Variants in CAPN2 observed in about 807,000 individuals in gnomAD.
CAPN2 encodes the protein calpain 2, also known as calpain-2 catalytic subunit.
A neutral mutation model predicts 102.3 loss-of-function variants in CAPN2; 92 were observed. That is an observed-to-expected ratio of 0.90 (90% CI 0.76 to 1.07). The LOEUF is 1.07. Among genes scored for constraint, CAPN2 ranks in the 50% least tolerant of loss-of-function variants. CAPN2 has a pLI of 0.00. For missense variants in CAPN2, 800 were observed against 909.4 expected, an observed-to-expected ratio of 0.88 and a Z score of 1.55; for synonymous variants, 340 against 355.4, an observed-to-expected ratio of 0.96 and a Z score of 0.49.
chr1:223,765,677 T>G lies in CAPN2; in HGVS notation c.1691-690T>G, dbSNP rs1661294587. ...GGAGGGCTCCACACCAGAGTCTGCA[T>G]GCACAGCTGCTGGGCCAGAGCCTTA... is the stretch of plus-strand genomic sequence containing the variant. On this transcript the variant is annotated intron_variant, in intron 15 of 20. Coordinates refer to ENST00000295006, the MANE Select transcript of CAPN2 (RefSeq NM_001748.5). 2.7e-5 allele frequency among the ~76,000 whole-genome samples: 4 copies of G among 150,772 alleles called. No homozygotes were observed. The Admixed American group carries it at 2.7e-4, about 10-fold the overall frequency.
intron 2 of CAPN2, among the ~76,000 whole-genome samples, chr1:223,736,547 C>T (rs908365526): frequency 1.3e-5 from 2 of 152,196 alleles, no homozygotes; most frequent in African/African-American, 4.8e-5. Flanking sequence ...CAAGTTTGGC[C>T]TTGAAACCCT....
chr1:223,712,937 C>G (rs931587500), intron 1 of CAPN2, 60 bp downstream of exon 1: 3 of 1,221,568 alleles, frequency 2.5e-6, no homozygotes, highest in African/African-American at 3.2e-5. Flanking sequence ...GGGGTGCAGG[C>G]CGGCCCGCGG....
chr1:223,745,585 AC>A (rs1660734536), intron 4 of CAPN2, 146 bp downstream of exon 4: 1 of 765,066 alleles, frequency 1.3e-6, no homozygotes, highest in African/African-American at 1.7e-5. Flanking sequence ...AGCCTGGCCA[AC>A]ATGATGAAAC....
In CAPN2 at chr1:223,767,634, A is replaced by G. The variant is rs369893074; in HGVS notation, c.1755+1203A>G. On this transcript the variant is annotated intron_variant, in intron 16 of 20. Coordinates refer to ENST00000295006, the MANE Select transcript of CAPN2 (RefSeq NM_001748.5). ...TTCCAAGTCTTTGCTATTGTGAATA[A>G]TGCCGCAATAAACATACGTGTGCAT... Among the ~76,000 whole-genome samples, 11 of 149,544 alleles carry G rather than the reference A, an allele frequency of 7.4e-5. No individual in the cohort carries two copies. In the East Asian group the frequency reaches 9.8e-4, roughly 13 times the overall value.
In CAPN2 at chr1:223,774,917, T is replaced by G; in HGVS notation, c.*60T>G. 1 of 1,427,098 alleles carries G rather than the reference T, an allele frequency of 7.0e-7. No homozygotes were observed. Among genetic ancestry groups the G allele is most frequent in the Non-Finnish European group, 9.8e-7 (1 of 1,015,232 alleles). 88.4% of individuals were successfully genotyped at this position (1,427,098 alleles called of 1,614,324 possible). A position where few individuals can be genotyped will look rare whatever the true frequency, so the allele number is the denominator to read the frequency against. ...TGGAAAATCAGCCAAGGACTAAGCT[T>G]CCATAGAAATACACTTTGTATCTGG... On this transcript the variant is annotated 3_prime_UTR_variant, in exon 21 of 21. Transcript: ENST00000295006.
rs1042340497 is a variant in CAPN2 at position 223,727,417 on chromosome 1, G to A, written c.307+9586G>A. On this transcript the variant is annotated intron_variant, in intron 2 of 20. Coordinates refer to ENST00000295006, the MANE Select transcript of CAPN2 (RefSeq NM_001748.5). The surrounding 1 kb of genome is among the most constrained non-coding windows in gnomAD (Gnocchi z 4.1). ...CGTGTGCCACTCAAAAATGTCTGCA[G>A]ACCTTGCCAAATGTCCCCTGGGGGC... 6.6e-6 allele frequency among the ~76,000 whole-genome samples: 1 copy of A among 152,164 alleles called. No individual in the cohort carries two copies. Among genetic ancestry groups the A allele is most frequent in the Admixed American group, 6.5e-5 (1 of 15,270 alleles).
intron 13 of CAPN2, 158 bp downstream of exon 13, chr1:223,761,775 C>CACAGAGGCCAGAGCTGA: frequency 1.6e-6 from 1 of 626,326 alleles, no homozygotes; most frequent in Non-Finnish European, 2.8e-6. Context: ...CCTGCATCAG[C>CACAGAGGCCAGAGCTGA]TCTGGCCTCT....
chr1:223,746,757 G>A (rs1357609749), intron 4 of CAPN2, among the ~76,000 whole-genome samples: 1 of 152,126 alleles, frequency 6.6e-6, no homozygotes, highest in Non-Finnish European at 1.5e-5. Context: ...TGGGATTACA[G>A]GCATGAGCTA....
chr1:223,746,496 T>A (rs74532858), intron 4 of CAPN2, among the ~76,000 whole-genome samples: 8 of 149,086 alleles, frequency 5.4e-5, no homozygotes, highest in African/African-American at 7.5e-5. Flanking sequence ...TTTTTTTTTT[T>A]AATACGGAGC....
At chr1:223,703,467 C>G (rs1659531069) in intron 1 of CAPN2, among the ~76,000 whole-genome samples, 1 of 152,170 alleles carries the variant, frequency 6.6e-6, no homozygotes, top group Non-Finnish European at 1.5e-5. Flanking sequence ...CCAGGCTGCT[C>G]CAGCCAATGA....
chr1:223,760,962 GAGC>G (rs1170273270), intron 12 of CAPN2, among the ~76,000 whole-genome samples: 2 of 152,296 alleles, frequency 1.3e-5, no homozygotes, highest in East Asian at 3.9e-4. Context: ...CCTCACTATG[GAGC>G]AGAAGGACCT....
At position 223,725,899 on chromosome 1, in the gene CAPN2, G is replaced by A. The variant is rs1024599930; in HGVS notation, c.307+8068G>A. 2.6e-5 allele frequency among the ~76,000 whole-genome samples: 4 copies of A among 152,160 alleles called. No individual in the cohort carries two copies. The highest frequency in any genetic ancestry group is 5.9e-5 in the Non-Finnish European group (4 of 68,030). ...TCTGCGAAATGGGAACAATGACGAT[G>A]TTTGCGTCCTTTCTTTTTCTTTTCC... On this transcript the variant is annotated intron_variant, in intron 2 of 20. Transcript: ENST00000295006. This position sits in a 1 kb window ranked among gnomAD's most constrained non-coding sequence, Gnocchi z 4.1.
chr1:223,712,290 G>A (rs1286029969), upstream of CAPN2: 11 of 216,434 alleles, frequency 5.1e-5, no homozygotes, highest in South Asian at 1.5e-3. Context: ...AGGTGGCCTC[G>A]GGTTCCGGTG....
chr1:223,769,790 C>T (rs1208116350), intron 16 of CAPN2, 51 bp from the exon 17 acceptor site: 22 of 1,358,006 alleles, frequency 1.6e-5, no homozygotes, highest in Admixed American at 7.4e-5. Context: ...AACTAGGTGA[C>T]ACTATGTGCA....
intron 9 of CAPN2, 74 bp downstream of exon 9, chr1:223,753,030 G>A: frequency 1.4e-6 from 2 of 1,419,062 alleles, no homozygotes; most frequent in Non-Finnish European, 2.0e-6. Flanking sequence ...ACCCCACCCT[G>A]TGTACCACAC....
intron 1 of CAPN2, 36 bp from the exon 2 acceptor site, chr1:223,717,726 G>T (rs750969391): frequency 1.3e-6 from 2 of 1,582,114 alleles, no homozygotes; most frequent in East Asian, 4.5e-5. Flanking sequence ...GCACCTGGCT[G>T]GTAGGCTAAC....
chr1:223,739,522 C>CTTG (rs1361980704), intron 2 of CAPN2, among the ~76,000 whole-genome samples: 9 of 152,168 alleles, frequency 5.9e-5, no homozygotes, highest in African/African-American at 2.2e-4. Flanking sequence ...AGGCTAAGAG[C>CTTG]TTGTAACAAC....
chr1:223,712,933 C>T, intron 1 of CAPN2, 56 bp downstream of exon 1: 2 of 1,233,560 alleles, frequency 1.6e-6, no homozygotes, highest in Admixed American at 4.2e-5. Context: ...GGGCGGGGTG[C>T]AGGCCGGCCC....
At position 223,705,542 on chromosome 1, in the gene CAPN2, C is replaced by T. The variant is rs1056349189; in HGVS notation, c.3+3711C>T. 7.2e-5 allele frequency among the ~76,000 whole-genome samples: 11 copies of T among 152,230 alleles called. No individual in the cohort carries two copies. The East Asian group carries it at 1.9e-3, about 27-fold the overall frequency. On this transcript the variant is annotated intron_variant, in intron 1 of 20. Coordinates refer to the CAPN2 transcript ENST00000433674. ...GGCATTTGGGGCAGGGGATTGGAGG[C>T]TTGTCTTGTAGCTGTTTCTGCTTAG...
Sources: gnomAD v4.1 joint callset for allele counts (sites outside exome capture counted in the v4.1 genomes callset) on GRCh38, gnomAD v4.1.1 for gene constraint, Gnocchi (gnomAD v3.1) non-coding constraint, MANE v1.5 for transcripts, NCBI Gene and HGNC (gene_info 2026-07-23, HGNC 2026-07-21) for gene names.